HLA-C: variants seen among roughly 807,000 people sequenced by gnomAD.
The protein encoded by HLA-C is major histocompatibility complex, class I, C.
HLA-C carries 15 observed loss-of-function variants against 36.9 expected under a neutral mutation model. The observed-to-expected ratio is 0.41, with a 90% CI of 0.27 to 0.63. HLA-C has a LOEUF of 0.63. Among genes scored for constraint, HLA-C ranks in the 20% least tolerant of loss-of-function variants. HLA-C has a pLI of 0.35. For synonymous variants in HLA-C, 104 were observed against 174.3 expected, an observed-to-expected ratio of 0.60 and a Z score of 3.18; for missense variants, 272 against 400.4, an observed-to-expected ratio of 0.68 and a Z score of 2.74.
At chr6:31,271,415 T>C (rs1761343134) in intron 2 of HLA-C, 67 bp from the exon 3 acceptor site, 2 of 815,942 alleles carry the variant, frequency 2.5e-6, no homozygotes, top group South Asian at 2.1e-5. Flanking sequence ...CCCGCGGGGA[T>C]TTTGGCCTAA....
Sources: gnomAD v4.1 joint callset for allele counts on GRCh38, gnomAD v4.1.1 for gene constraint, MANE v1.5 for transcripts, NCBI Gene and HGNC (gene_info 2026-07-23, HGNC 2026-07-21) for gene names.